The following FAM98A variants were observed in gnomAD, a reference collection of about 807,000 sequenced individuals.
FAM98A encodes tRNA splicing ligase complex subunit 3A.
FAM98A carries 25 observed loss-of-function variants against 62.9 expected under a neutral mutation model. The ratio of observed to expected loss-of-function variants is 0.40; its 90% CI spans 0.29 to 0.56. FAM98A has a LOEUF of 0.56. Ranked by LOEUF, FAM98A falls within the 20% of genes least tolerant of loss-of-function variation. The probability of loss-of-function intolerance (pLI) is 0.51; values close to 1 mark genes in which losing one functional copy is unlikely to be tolerated. For missense variants in FAM98A, 653 were observed against 640.7 expected (o/e 1.02, Z -0.21); for synonymous variants, 252 against 228.6 (o/e 1.10, Z -0.92).
At chr2:33,589,997 A>C (rs1048148177) in intron 3 of FAM98A, 3 of 152,206 alleles carry the variant, frequency 2.0e-5, no homozygotes, top group African/African-American at 7.2e-5. Context: ...AGGTATTCAC[A>C]AAATTAGGTT....
At chr2:33,588,312 C>T in intron 4 of FAM98A, 23 bp downstream of exon 4, 3 of 1,574,096 alleles carry the variant, frequency 1.9e-6, no homozygotes, top group Non-Finnish European at 2.6e-6. Context: ...TAATACACTA[C>T]AATTTGGTAC....
chr2:33,587,425 G>C, intron 4 of FAM98A, 105 bp from the exon 5 acceptor site: 1 of 860,762 alleles, frequency 1.2e-6, no homozygotes, highest in Non-Finnish European at 1.9e-6. Flanking sequence ...TCCTGACAGA[G>C]GCAAAGGTGG....
Position 33,585,387 on chromosome 2 carries a change from G to T in FAM98A, c.946C>A (p.Pro316Thr), listed in dbSNP as rs981979138. 1.2e-6 allele frequency: 2 copies of T among 1,614,120 alleles called. No homozygotes were observed. The highest frequency in any genetic ancestry group is 1.7e-6 in the Non-Finnish European group (2 of 1,180,018). ...GGRPNEIEPP[P>T]PEMPPWQKRQ... ...TTCTGCCACGGTGGCATCTCTGGGG[G>T]TGGAGGTTCGATTTCATTGGGTCTA... The change falls in exon 8 of 8, where the codon CCC becomes ACC. Residue 316 changes from proline (P) to threonine (T), a missense_variant. Transcript: ENST00000238823.
intron 3 of FAM98A, chr2:33,589,445 G>C (rs1677625726): frequency 6.6e-6 from 1 of 152,178 alleles, no homozygotes; most frequent in Admixed American, 6.5e-5. Context: ...AACAAAACCA[G>C]TTTTGGGAAA....
Position 33,586,598 on chromosome 2 carries a change from G to T in FAM98A, c.684C>A (p.Val228=). The part of the protein sequence containing the change: ...RRKLLIKRLD[V]TVQSFGWSDR... ...CAGACCAGCCAAAGGATTGTACAGT[G>T]ACATCCAAACGTTTTATTAGCAGCT... is the stretch of plus-strand genomic sequence containing the variant. Residue 228 remains valine (V), a synonymous_variant, in exon 6 of 8, where the codon GTC becomes GTA. Coordinates refer to ENST00000238823, the MANE Select transcript of FAM98A (RefSeq NM_015475.5). The T allele has an allele frequency of 6.2e-7, 1 of 1,612,888 alleles. No homozygotes were observed. The highest frequency in any genetic ancestry group is 8.5e-7 in the Non-Finnish European group (1 of 1,178,878).
In FAM98A at chr2:33,599,236, C is replaced by A; in HGVS notation, c.-15G>T. 1.2e-6 allele frequency: 2 copies of A among 1,612,462 alleles called. No homozygotes were observed. The highest frequency in any genetic ancestry group is 1.7e-6 in the Non-Finnish European group (2 of 1,178,448). On this transcript the variant is annotated 5_prime_UTR_variant, in exon 1 of 8. An upstream open reading frame in the 5' UTR loses its in-frame stop. Transcript: ENST00000238823. Reference sequence around the variant, plus strand: ...TCACACTCCATGCTACTGTGGTATTCAAATTTCCGAGTCGTCAGGCTCCCC... The same window carrying A: ...TCACACTCCATGCTACTGTGGTATTAAAATTTCCGAGTCGTCAGGCTCCCC...
intron 1 of FAM98A, among the ~76,000 whole-genome samples, chr2:33,596,869 G>A (rs1265160863): frequency 2.1e-5 from 3 of 139,846 alleles, no homozygotes; most frequent in Non-Finnish European, 4.5e-5. Context: ...TCCAGCCTGG[G>A]CGACAGAGCA....
In FAM98A at chr2:33,585,232, G is replaced by A; in HGVS notation, c.1101C>T (p.Asp367=). 1 of 1,613,838 alleles carries A rather than the reference G, an allele frequency of 6.2e-7. No individual in the cohort carries two copies. Among genetic ancestry groups the A allele is most frequent in the South Asian group, 1.1e-5 (1 of 91,054 alleles). Residue 367 remains aspartate, a synonymous_variant, in exon 8 of 8, where the codon GAC becomes GAT. Coordinates refer to ENST00000238823, the MANE Select transcript of FAM98A (RefSeq NM_015475.5). ...GGGRGGRGGY[D]HGGRGGGRGN... ...CTCTTCCTCCCCCTCGGCCACCATG[G>A]TCATAGCCACCACGTCCACCTCTCC...
chr2:33,596,362 G>C (rs571165237), intron 1 of FAM98A, among the ~76,000 whole-genome samples: 1 of 152,086 alleles, frequency 6.6e-6, no homozygotes, highest in Non-Finnish European at 1.5e-5. Flanking sequence ...ATGAACTGGC[G>C]CATCTGAATC....
At chr2:33,593,551 T>C (rs547714678) in intron 2 of FAM98A, among the ~76,000 whole-genome samples, 1 of 152,326 alleles carries the variant, frequency 6.6e-6, no homozygotes, top group African/African-American at 2.4e-5. Context: ...GTTCACTGGG[T>C]GAACCAAAGG....
At chr2:33,585,797 A>G (rs944438006) in intron 6 of FAM98A, 100 bp from the exon 7 acceptor site, 4 of 1,048,670 alleles carry the variant, frequency 3.8e-6, no homozygotes, top group East Asian at 4.8e-5. Flanking sequence ...TCTGATAATG[A>G]TATTTACTAG....
chr2:33,590,503 T>C (rs1677647225), intron 3 of FAM98A, among the ~76,000 whole-genome samples: 2 of 152,138 alleles, frequency 1.3e-5, no homozygotes, highest in Admixed American at 6.5e-5. Flanking sequence ...AGGTAAATGC[T>C]AGAATGAAAG....
At chr2:33,597,312 A>G (rs1225589963) in intron 1 of FAM98A, among the ~76,000 whole-genome samples, 1 of 152,192 alleles carries the variant, frequency 6.6e-6, no homozygotes, top group Non-Finnish European at 1.5e-5. Flanking sequence ...TGGTCACCAG[A>G]GCAAGACCTC....
intron 3 of FAM98A, among the ~76,000 whole-genome samples, chr2:33,591,320 T>G (rs1234495115): frequency 1.3e-5 from 2 of 152,122 alleles, no homozygotes; most frequent in African/African-American, 4.8e-5. Flanking sequence ...AGAACTATAA[T>G]AGCCAGTTAA....
chr2:33,593,026 A>C (rs1417355018), intron 2 of FAM98A, among the ~76,000 whole-genome samples: 4 of 152,132 alleles, frequency 2.6e-5, no homozygotes, highest in African/African-American at 9.7e-5. Context: ...TCCTTGATGA[A>C]ACCTTCCTTG....
At position 33,592,174 on chromosome 2, in the gene FAM98A, C is replaced by A; in HGVS notation, c.243G>T (p.Gly81=). The change falls in exon 3 of 8, where the codon GGG becomes GGT. Residue 81 remains glycine, a synonymous_variant. Coordinates refer to ENST00000238823, the MANE Select transcript of FAM98A (RefSeq NM_015475.5). ...ACGGGCAGTTCATCTCCCCTAGTAGCCCACTCACCTCAAGCTGGAATTCTT... is the reference window on the plus strand; with the variant it reads ...ACGGGCAGTTCATCTCCCCTAGTAGACCACTCACCTCAAGCTGGAATTCTT... ...EAEEFQLEVS[G]LLGEMNCPYL... 3 of 1,612,696 alleles carry A rather than the reference C, an allele frequency of 1.9e-6. No individual in the cohort carries two copies. Among genetic ancestry groups the A allele is most frequent in the Non-Finnish European group, 2.5e-6 (3 of 1,178,918 alleles).
In FAM98A at chr2:33,585,463, A is replaced by G. The variant is rs1677525826; in HGVS notation, c.889-19T>C. ...TCAACACCTACAGAATAGGAAAGAT[A>G]TTTTAAACTTTTATTTTATGAACAG... On this transcript the variant is annotated intron_variant, in intron 7 of 7. Transcript: ENST00000238823. 2 of 1,613,470 alleles carry G rather than the reference A, an allele frequency of 1.2e-6. No homozygotes were observed. Among genetic ancestry groups the G allele is most frequent in the Non-Finnish European group, 1.7e-6 (2 of 1,179,760 alleles).
chr2:33,589,116 C>G (rs1677618544), intron 3 of FAM98A: 2 of 152,226 alleles, frequency 1.3e-5, no homozygotes, highest in South Asian at 4.2e-4. Flanking sequence ...CAAAGAGAGC[C>G]CTCTTTCATC....
At chr2:33,599,023 TG>T (rs1677891416) in intron 1 of FAM98A, 145 bp downstream of exon 1, 1 of 736,674 alleles carries the variant, frequency 1.4e-6, no homozygotes, top group Non-Finnish European at 2.4e-6. Flanking sequence ...GACGTGGCAT[TG>T]GGGGTGCCGG....
Sources: allele counts gnomAD v4.1 joint callset (sites outside exome capture counted in the v4.1 genomes callset), GRCh38; gene constraint gnomAD v4.1.1; transcripts MANE v1.5; gene names NCBI Gene and HGNC (gene_info 2026-07-23, HGNC 2026-07-21).